The following BRD10 variants were observed in gnomAD, a reference collection of about 807,000 sequenced individuals.
BRD10 encodes the protein bromodomain containing 10.
the BRD10 span, among the ~76,000 whole-genome samples, chr9:6,005,716 A>G: frequency 6.6e-6 from 1 of 152,230 alleles, no homozygotes; most frequent in Non-Finnish European, 1.5e-5. Context: ...TCATAACTTC[A>G]AAATAATAAC....
chr9:5,922,063 A>G, the BRD10 span: 4 of 1,614,004 alleles, frequency 2.5e-6, no homozygotes, highest in South Asian at 2.2e-5. Context: ...CAAAAGTGAA[A>G]ACTGAACTTG....
At chr9:5,983,283 C>G in the BRD10 span, among the ~76,000 whole-genome samples, 2 of 152,140 alleles carry the variant, frequency 1.3e-5, no homozygotes, top group Non-Finnish European at 2.9e-5. Context: ...CAGACACACC[C>G]TAAAACAGCT....
the BRD10 span, chr9:5,899,266 G>A: frequency 6.6e-6 from 1 of 152,222 alleles, no homozygotes; most frequent in Non-Finnish European, 1.5e-5. Context: ...CTGTGAAAGA[G>A]AGGAGGGTTG....
the BRD10 span, among the ~76,000 whole-genome samples, chr9:5,894,001 G>C: frequency 4.0e-5 from 6 of 151,518 alleles, no homozygotes; most frequent in Admixed American, 3.3e-4. The surrounding 1 kb of genome is among the most constrained non-coding windows in gnomAD (Gnocchi z 4.0). Flanking sequence ...TGTGTGGCCA[G>C]ACATGGTGGC....
chr9:5,971,834 G>GA, the BRD10 span, among the ~76,000 whole-genome samples: 1 of 151,944 alleles, frequency 6.6e-6, no homozygotes, highest in African/African-American at 2.4e-5. Flanking sequence ...GGGCATACTA[G>GA]AAAAAAGTCC....
chr9:5,922,912 T>A, the BRD10 span: 3 of 1,614,000 alleles, frequency 1.9e-6, no homozygotes, highest in East Asian at 6.7e-5. Context: ...CATTTCTACC[T>A]GTGGAAGGAG....
At chr9:5,966,366 A>G in the BRD10 span, among the ~76,000 whole-genome samples, 4 of 151,840 alleles carry the variant, frequency 2.6e-5, no homozygotes, top group African/African-American at 9.7e-5. Context: ...GTTCTGGGTT[A>G]CAATTATATT....
At chr9:6,006,423 AATTAAC>A in the BRD10 span, among the ~76,000 whole-genome samples, 1 of 152,234 alleles carries the variant, frequency 6.6e-6, no homozygotes, top group Non-Finnish European at 1.5e-5. Flanking sequence ...AAACTTTAGA[AATTAAC>A]TTGGCTGACA....
chr9:5,913,406 G>A, the BRD10 span, among the ~76,000 whole-genome samples: 1 of 152,120 alleles, frequency 6.6e-6, no homozygotes, highest in East Asian at 1.9e-4. Flanking sequence ...AGTAACCGGC[G>A]CCAAAAACAT....
At chr9:5,888,390 C>G in the BRD10 span, among the ~76,000 whole-genome samples, 2 of 152,188 alleles carry the variant, frequency 1.3e-5, no homozygotes, top group Non-Finnish European at 2.9e-5. Flanking sequence ...TTATGTTATA[C>G]ATCATTTTAA....
the BRD10 span, chr9:5,921,660 T>A: frequency 1.9e-6 from 3 of 1,613,968 alleles, no homozygotes; most frequent in Non-Finnish European, 2.5e-6. Flanking sequence ...TAACTTTTTG[T>A]GATATAATCT....
the BRD10 span, among the ~76,000 whole-genome samples, chr9:5,975,397 C>T: frequency 7.7e-6 from 1 of 130,188 alleles, no homozygotes; most frequent in Non-Finnish European, 1.6e-5. Flanking sequence ...CAGGATCGCA[C>T]CACTGCACTC....
the BRD10 span, among the ~76,000 whole-genome samples, chr9:5,936,564 C>T: frequency 2.0e-5 from 3 of 152,132 alleles, no homozygotes; most frequent in Non-Finnish European, 2.9e-5. Context: ...GTGCTCTCTG[C>T]TGGATTCTGG....
the BRD10 span, among the ~76,000 whole-genome samples, chr9:5,965,428 G>T: frequency 3.9e-5 from 6 of 152,146 alleles, no homozygotes; most frequent in African/African-American, 4.8e-5. Flanking sequence ...AAGTTCAGAA[G>T]ATTTTGAAAA....
chr9:5,910,147 G>C, the BRD10 span: 3 of 152,162 alleles, frequency 2.0e-5, no homozygotes, highest in Admixed American at 2.0e-4. Flanking sequence ...GGCTGTCTTT[G>C]ACATAACTGG....
the BRD10 span, among the ~76,000 whole-genome samples, chr9:5,916,497 ATATG>A: frequency 1.3e-3 from 189 of 149,348 alleles, 2 homozygotes; most frequent in East Asian, 0.026. Flanking sequence ...GTGTGTATAT[ATATG>A]TATGTGTATA....
the BRD10 span, among the ~76,000 whole-genome samples, chr9:5,970,584 G>A: frequency 6.6e-6 from 1 of 151,832 alleles, no homozygotes; most frequent in African/African-American, 2.4e-5. Flanking sequence ...AGATAAACTG[G>A]GTATCATCAA....
the BRD10 span, chr9:5,923,229 G>A: frequency 1.9e-6 from 3 of 1,613,856 alleles, no homozygotes; most frequent in Non-Finnish European, 2.5e-6. Context: ...AGTGTCTTCG[G>A]TAAGTCTTTT....
At chr9:5,991,617 C>T in the BRD10 span, among the ~76,000 whole-genome samples, 36 of 150,708 alleles carry the variant, frequency 2.4e-4, no homozygotes, top group Admixed American at 8.6e-4. Flanking sequence ...CCAAGCTACG[C>T]GGGAGGCTGA....
Sources: allele counts gnomAD v4.1 joint callset (sites outside exome capture counted in the v4.1 genomes callset), GRCh38; gene constraint gnomAD v4.1.1; non-coding constraint Gnocchi (gnomAD v3.1); transcripts MANE v1.5; gene names NCBI Gene and HGNC (gene_info 2026-07-23, HGNC 2026-07-21).